Variants in ZNF438 observed in about 807,000 individuals in gnomAD.
The protein encoded by ZNF438 is zinc finger protein 438.
A neutral mutation model predicts 38.0 loss-of-function variants in ZNF438; 25 were observed. That is an observed-to-expected ratio of 0.66 (90% CI 0.48 to 0.92). The LOEUF (loss-of-function observed/expected upper bound fraction) is 0.92. Among genes scored for constraint, ZNF438 ranks in the 40% least tolerant of loss-of-function variants. ZNF438 has a pLI of 0.00. For missense variants in ZNF438, 1,007 were observed against 999.6 expected (o/e 1.01, Z -0.10); for synonymous variants, 372 against 364.1 (o/e 1.02, Z -0.25).
chr10:30,981,808 G>A (rs886271886), intron 1 of ZNF438, among the ~76,000 whole-genome samples: 1 of 151,714 alleles, frequency 6.6e-6, no homozygotes, highest in Non-Finnish European at 1.5e-5. Flanking sequence ...AACCCGGGAG[G>A]TGGAGGTTGC....
At chr10:30,901,448 G>A (rs934480240) in intron 3 of ZNF438, among the ~76,000 whole-genome samples, 4 of 151,246 alleles carry the variant, frequency 2.6e-5, no homozygotes, top group South Asian at 2.1e-4. Context: ...CCGCTGAGTC[G>A]GGGGTTGTTA....
chr10:30,890,083 C>CAA (rs71863439), intron 3 of ZNF438, among the ~76,000 whole-genome samples: 23 of 93,352 alleles, frequency 2.5e-4, no homozygotes, highest in East Asian at 7.4e-4. Context: ...TTGGCATTTC[C>CAA]AAAAAAAAAA....
intron 4 of ZNF438, among the ~76,000 whole-genome samples, chr10:30,861,499 C>T (rs1013834262): frequency 6.6e-6 from 1 of 151,994 alleles, no homozygotes; most frequent in Admixed American, 6.6e-5. Context: ...ACCTAGAATA[C>T]TAGTGGCAAT....
chr10:30,957,337 A>G (rs191152230), intron 1 of ZNF438, among the ~76,000 whole-genome samples: 4 of 152,218 alleles, frequency 2.6e-5, no homozygotes, highest in African/African-American at 9.6e-5. Context: ...CTCCCATTCT[A>G]CAGATTGTCT....
At chr10:30,998,588 T>C (rs1179907681) in intron 1 of ZNF438, among the ~76,000 whole-genome samples, 2 of 97,390 alleles carry the variant, frequency 2.1e-5, no homozygotes, top group Admixed American at 2.3e-4. Flanking sequence ...AAAAAAAAAA[T>C]CAAGTATTAC....
In ZNF438 at chr10:30,990,680, C is replaced by T. The variant is rs183587245; in HGVS notation, c.-192+41153G>A. 1.8e-3 allele frequency among the ~76,000 whole-genome samples: 265 copies of T among 150,778 alleles called. 1 individual carries two copies. The highest frequency in any genetic ancestry group is 8.4e-3 in the Admixed American group (127 of 15,146). The stretch of plus-strand genomic sequence containing the variant: ...ATAGGAATTATAGAGGTCAGAGAAA[C>T]GTGTGGATCTACACCACAAATACGC... On this transcript the variant is annotated intron_variant, in intron 1 of 5. Transcript: ENST00000413025.
intron 4 of ZNF438, among the ~76,000 whole-genome samples, chr10:30,850,781 C>G (rs112351695): frequency 0.016 from 2,456 of 152,272 alleles, 60 homozygotes; most frequent in African/African-American, 0.056. Flanking sequence ...ATTTTATATA[C>G]ATGTTCTGCT....
At chr10:30,881,914 A>G (rs1350139219) in intron 3 of ZNF438, among the ~76,000 whole-genome samples, 1 of 152,196 alleles carries the variant, frequency 6.6e-6, no homozygotes, top group Non-Finnish European at 1.5e-5. Flanking sequence ...CCATATACAA[A>G]ATTTGAAATG....
At chr10:30,890,486 C>A (rs1476993190) in intron 3 of ZNF438, among the ~76,000 whole-genome samples, 2 of 152,216 alleles carry the variant, frequency 1.3e-5, no homozygotes, top group Non-Finnish European at 2.9e-5. Flanking sequence ...AAGGCAGCTC[C>A]TGCCTCCAAA....
intron 1 of ZNF438, among the ~76,000 whole-genome samples, chr10:30,986,029 C>T (rs1017692835): frequency 2.6e-5 from 4 of 152,078 alleles, no homozygotes; most frequent in Admixed American, 6.6e-5. Context: ...CAATTGCCTA[C>T]GAATTCAGTA....
chr10:30,867,492 A>G (rs1363436456), intron 4 of ZNF438, among the ~76,000 whole-genome samples: 1 of 152,210 alleles, frequency 6.6e-6, no homozygotes, highest in Non-Finnish European at 1.5e-5. Context: ...ATCACCCAAT[A>G]TGGTAAATAT....
At chr10:30,881,627 CAATTT>C (rs1464023568) in intron 3 of ZNF438, among the ~76,000 whole-genome samples, 4 of 151,842 alleles carry the variant, frequency 2.6e-5, no homozygotes. Context: ...AGAAATTAAC[CAATTT>C]AATTTTTAAA....
exon 5 of ZNF438, chr10:30,848,705 A>C: frequency 6.2e-7 from 1 of 1,614,220 alleles, no homozygotes; most frequent in South Asian, 1.1e-5. Context: ...CTCACAACAC[A>C]TGAGTTTCTT....
chr10:31,031,488 G>A (rs2057290402), intron 1 of ZNF438, among the ~76,000 whole-genome samples: 1 of 152,166 alleles, frequency 6.6e-6, no homozygotes, highest in African/African-American at 2.4e-5. Context: ...AGGCTGAGAG[G>A]GGGAAGAAAA....
chr10:30,974,078 C>T (rs1482959524), intron 1 of ZNF438, among the ~76,000 whole-genome samples: 1 of 152,218 alleles, frequency 6.6e-6, no homozygotes, highest in African/African-American at 2.4e-5. Context: ...GCCTACCTCC[C>T]AGTACCCTCA....
At chr10:30,873,504 T>A (rs1336316839) in intron 4 of ZNF438, among the ~76,000 whole-genome samples, 1 of 152,234 alleles carries the variant, frequency 6.6e-6, no homozygotes, top group Non-Finnish European at 1.5e-5. Context: ...GACTTGTACA[T>A]ATATGTTAAT....
rs201583761 is a variant in ZNF438 at position 30,849,452 on chromosome 10, G to T, written c.953C>A (p.Ser318Tyr). 3 of 1,614,052 alleles carry T rather than the reference G, an allele frequency of 1.9e-6. No homozygotes were observed. The South Asian group carries it at 3.3e-5, about 18-fold the overall frequency. Residue 318 changes from serine (S) to tyrosine (Y), a missense_variant, in exon 5 of 6, where the codon TCT becomes TAT. Physicochemically the swap from Ser to Tyr is moderately radical, Grantham distance 144. Transcript: ENST00000413025. Reference sequence around the variant, plus strand: ...ACAGTCGGCCTTAGGTCCTGGTAAAGAAAAACCTGCAATGTTAGCATCTGA... The same window carrying T: ...ACAGTCGGCCTTAGGTCCTGGTAAATAAAAACCTGCAATGTTAGCATCTGA...
intron 1 of ZNF438, among the ~76,000 whole-genome samples, chr10:30,945,230 GTC>G (rs1404704290): frequency 2.6e-5 from 4 of 151,702 alleles, no homozygotes; most frequent in Admixed American, 6.6e-5. Context: ...TTAAAATTAT[GTC>G]TCTTTAATTA....
intron 1 of ZNF438, among the ~76,000 whole-genome samples, chr10:30,969,143 G>A (rs1294453892): frequency 2.0e-5 from 3 of 151,744 alleles, no homozygotes; most frequent in Non-Finnish European, 4.4e-5. Flanking sequence ...TTGCCACAGA[G>A]TAAGTCAAAA....
Sources: allele counts gnomAD v4.1 joint callset (sites outside exome capture counted in the v4.1 genomes callset), GRCh38; gene constraint gnomAD v4.1.1; transcripts MANE v1.5; gene names NCBI Gene and HGNC (gene_info 2026-07-23, HGNC 2026-07-21).